Variants in RNF217 observed in about 807,000 individuals in gnomAD.
RNF217 encodes E3 ubiquitin-protein ligase RNF217.
In RNF217, 31 loss-of-function variants were observed where a neutral mutation model predicts 57.8. The observed-to-expected ratio is 0.54, with a 90% confidence interval of 0.40 to 0.72. RNF217 has a LOEUF of 0.72. Among genes scored for constraint, RNF217 ranks in the 30% least tolerant of loss-of-function variants. RNF217 has a pLI of 0.00. For missense variants in RNF217, 696 were observed against 708.3 expected (o/e 0.98, Z 0.20); for synonymous variants, 313 against 294.0 (o/e 1.06, Z -0.66).
At chr6:124,966,420 T>C (rs188640208) in intron 1 of RNF217, among the ~76,000 whole-genome samples, 12 of 152,324 alleles carry the variant, frequency 7.9e-5, no homozygotes, top group African/African-American at 2.6e-4. Context: ...CAAAAGGGCA[T>C]AGTGAGTGCT....
chr6:125,041,255 G>A (rs1346647713), intron 1 of RNF217, among the ~76,000 whole-genome samples: 1 of 151,894 alleles, frequency 6.6e-6, no homozygotes, highest in African/African-American at 2.4e-5. Flanking sequence ...CCTGTATCTT[G>A]TTACCTCTCA....
intron 1 of RNF217, among the ~76,000 whole-genome samples, chr6:124,964,847 C>T (rs982405192): frequency 6.6e-6 from 1 of 152,172 alleles, no homozygotes; most frequent in Non-Finnish European, 1.5e-5. Flanking sequence ...AGCCCGCCTC[C>T]AGGGAAGTCA....
In RNF217 at chr6:124,982,026, CAAAAAAAAAA is replaced by C. The variant is rs373182508; in HGVS notation, c.882+18612_882+18621del. 3.4e-4 allele frequency among the ~76,000 whole-genome samples: 20 copies of C among 58,396 alleles called. 1 individual carries two copies. The highest frequency in any genetic ancestry group is 1.4e-3 in the African/African-American group (19 of 13,596). The allele number at this position is 58,396 out of a possible 152,430, so 38.3% of individuals were successfully genotyped here. The stretch of plus-strand genomic sequence containing the variant: ...CTGGCAACAGAGCGAGACTCTGTCT[CAAAAAAAAAA>C]AAAAAAAAAAAGATCTTGAGGCCCA... On this transcript the variant is annotated intron_variant, in intron 1 of 5. Coordinates refer to ENST00000521654, the MANE Select transcript of RNF217 (RefSeq NM_001286398.3).
intron 1 of RNF217, among the ~76,000 whole-genome samples, chr6:124,997,935 G>A (rs1227254843): frequency 6.6e-6 from 1 of 152,072 alleles, no homozygotes; most frequent in Non-Finnish European, 1.5e-5. Flanking sequence ...TTATGTGACG[G>A]TGACTCCAAA....
intron 1 of RNF217, among the ~76,000 whole-genome samples, chr6:125,042,784 T>C (rs1287710460): frequency 6.6e-6 from 1 of 152,028 alleles, no homozygotes; most frequent in Non-Finnish European, 1.5e-5. Context: ...ACCTGGCCTT[T>C]CCTGAGTGGC....
At chr6:125,009,375 C>A in intron 1 of RNF217, 3 of 808,454 alleles carry the variant, frequency 3.7e-6, no homozygotes, top group Non-Finnish European at 6.3e-6. Flanking sequence ...CTCTCACAGA[C>A]ATAGAGCCTG....
rs1489678785 is a variant in RNF217 at position 125,092,420 on chromosome 6, A to G, written c.*9483A>G. The G allele has an allele frequency of 6.6e-6, 1 of 152,190 alleles. No homozygotes were observed. Among genetic ancestry groups the G allele is most frequent in the Non-Finnish European group, 1.5e-5 (1 of 68,036 alleles). 9.4% of individuals were successfully genotyped at this position (152,190 alleles called of 1,614,324 possible). On this transcript the variant is annotated 3_prime_UTR_variant, in exon 6 of 6. Transcript: ENST00000521654. ...ATTATTTTCGGTTGGTTGTTGTAGA[A>G]TGGAAGAGTAATCTTAATTATGAAA...
At chr6:125,002,299 T>C (rs1044421186) in intron 1 of RNF217, among the ~76,000 whole-genome samples, 2 of 152,276 alleles carry the variant, frequency 1.3e-5, no homozygotes, top group African/African-American at 4.8e-5. Context: ...TGCCCATTCG[T>C]GGATTAAGGA....
intron 1 of RNF217, among the ~76,000 whole-genome samples, chr6:125,007,379 G>T (rs1785230337): frequency 6.6e-6 from 1 of 151,738 alleles, no homozygotes; most frequent in Non-Finnish European, 1.5e-5. Flanking sequence ...CCAAGTAGCT[G>T]GGATTATAGG....
intron 1 of RNF217, among the ~76,000 whole-genome samples, chr6:124,980,256 C>T (rs1784113949): frequency 2.6e-5 from 4 of 152,136 alleles, no homozygotes; most frequent in Admixed American, 6.5e-5. Context: ...TTTTCAAAAA[C>T]GTTGAGCCAC....
At chr6:125,009,503 C>A in intron 1 of RNF217, 1 of 461,372 alleles carries the variant, frequency 2.2e-6, no homozygotes, top group Non-Finnish European at 3.8e-6. Flanking sequence ...AGACTATTTA[C>A]CATGAAGAGC....
At chr6:124,968,843 G>A (rs1281932673) in intron 1 of RNF217, among the ~76,000 whole-genome samples, 5 of 152,204 alleles carry the variant, frequency 3.3e-5, no homozygotes, top group South Asian at 2.1e-4. Context: ...GATGGACAAA[G>A]TAGGCATACC....
Position 125,029,688 on chromosome 6 carries a change from A to C in RNF217, c.883-15523A>C, listed in dbSNP as rs557252318. Among the ~76,000 whole-genome samples, 16 of 152,346 alleles carry C rather than the reference A, an allele frequency of 1.1e-4. No individual in the cohort carries two copies. In the South Asian group the frequency reaches 3.3e-3, roughly 32 times the overall value. On this transcript the variant is annotated intron_variant, in intron 1 of 5. Transcript: ENST00000521654. ...TAAAAATGTAGAACGTGCATTTTTTAAAGTGTCAAACGTTGATTACCTCCA... is the reference window on the plus strand; with the variant it reads ...TAAAAATGTAGAACGTGCATTTTTTCAAGTGTCAAACGTTGATTACCTCCA...
rs1465395451 is a variant in RNF217, at chr6:125,045,248, C to G, written c.920C>G (p.Thr307Arg). ...CAAGTAGAAATCAAATGCCCCATCACAGAGTGTTTTGAATTCTTGGAAGAA... is the reference window on the plus strand; with the variant it reads ...CAAGTAGAAATCAAATGCCCCATCAGAGAGTGTTTTGAATTCTTGGAAGAA... ...LGQVEIKCPI[T>R]ECFEFLEETT... Residue 307 changes from threonine to arginine, a missense_variant, in exon 2 of 6, where the codon ACA (threonine) becomes AGA (arginine). This residue lies in a region of RNF217 where 231 missense variants were observed against 321.4 expected (regional missense o/e 0.72). Coordinates refer to ENST00000521654, the MANE Select transcript of RNF217 (RefSeq NM_001286398.3). 5.0e-6 allele frequency: 8 copies of G among 1,613,062 alleles called. No homozygotes were observed. The Admixed American group carries it at 1.2e-4, about 24-fold the overall frequency.
intron 1 of RNF217, among the ~76,000 whole-genome samples, chr6:125,044,768 G>A (rs1340975268): frequency 6.6e-6 from 1 of 152,090 alleles, no homozygotes; most frequent in Non-Finnish European, 1.5e-5. Flanking sequence ...TGTGCCCAGA[G>A]TTTAGTGCTG....
intron 1 of RNF217, among the ~76,000 whole-genome samples, chr6:124,969,483 G>A (rs1040389822): frequency 1.3e-5 from 2 of 151,916 alleles, no homozygotes; most frequent in Non-Finnish European, 2.9e-5. Flanking sequence ...AGTTTATATC[G>A]TTCTCTATCA....
intron 1 of RNF217, chr6:125,009,223 G>A: frequency 6.2e-7 from 1 of 1,604,760 alleles, no homozygotes; most frequent in Non-Finnish European, 8.5e-7. Flanking sequence ...AATCAAAGCT[G>A]TTGTATAATT....
chr6:125,060,347 A>G (rs1787682266), intron 3 of RNF217, among the ~76,000 whole-genome samples: 1 of 124,202 alleles, frequency 8.1e-6, no homozygotes, highest in Non-Finnish European at 1.7e-5. Flanking sequence ...AGGAAAGTAT[A>G]TATGTGTATA....
chr6:124,962,778 G>T lies in RNF217; in HGVS notation c.234G>T (p.Trp78Cys). Residue 78 changes from tryptophan to cysteine, a missense_variant, in exon 1 of 6, where the codon TGG becomes TGT. By Grantham distance (215) the Trp-to-Cys change is radical (BLOSUM62 -2). Transcript: ENST00000521654. The surrounding 1 kb of genome is among the most constrained non-coding windows in gnomAD (Gnocchi z 4.6). ...CGAGGAGCCTGGGGCCCCCGGGCTG[G>T]AGTAAGAGCCGAGCACCGGCGCAGC... ...EPARSLGPPG[W>C]SKSRAPAQPA... 6.3e-7 allele frequency: 1 copy of T among 1,596,236 alleles called. No homozygotes were observed. Among genetic ancestry groups the T allele is most frequent in the Non-Finnish European group, 8.5e-7 (1 of 1,179,300 alleles).
Sources: gnomAD v4.1 joint callset for allele counts (sites outside exome capture counted in the v4.1 genomes callset) on GRCh38, gnomAD v4.1.1 for gene constraint, gnomAD v4.1.1 regional missense constraint, Gnocchi (gnomAD v3.1) non-coding constraint, MANE v1.5 for transcripts, NCBI Gene and HGNC (gene_info 2026-07-23, HGNC 2026-07-21) for gene names.